Variants in DOCK3 observed in about 807,000 individuals in gnomAD.
DOCK3 encodes the protein dedicator of cytokinesis protein 3.
Under a neutral mutation model 265.6 loss-of-function variants are expected in DOCK3, and 60 were observed. The ratio of observed to expected loss-of-function variants is 0.23; its 90% CI spans 0.18 to 0.28. The LOEUF (loss-of-function observed/expected upper bound fraction) is 0.28. DOCK3 is among the 10% of genes least tolerant of loss of function. The probability of loss-of-function intolerance (pLI) is 1.00; values close to 1 mark genes in which losing one functional copy is unlikely to be tolerated. For synonymous variants in DOCK3, 881 were observed against 938.0 expected, an observed-to-expected ratio of 0.94 and a Z score of 1.11; for missense variants, 1,981 against 2,594.3, an observed-to-expected ratio of 0.76 and a Z score of 5.14.
chr3:50,859,589 G>A (rs1463652764), intron 3 of DOCK3, among the ~76,000 whole-genome samples: 1 of 152,058 alleles, frequency 6.6e-6, no homozygotes, highest in Non-Finnish European at 1.5e-5. Context: ...ATCTCTGCAT[G>A]TGGGTGTTCC....
At chr3:51,357,270 G>T in intron 44 of DOCK3, 129 bp downstream of exon 44, 1 of 1,046,716 alleles carries the variant, frequency 9.6e-7, no homozygotes, top group South Asian at 1.6e-5. Flanking sequence ...ACATGGTCCT[G>T]GAATGAGGCC....
At chr3:51,015,405 A>G (rs1281993898) in intron 5 of DOCK3, among the ~76,000 whole-genome samples, 2 of 151,762 alleles carry the variant, frequency 1.3e-5, no homozygotes, top group African/African-American at 4.8e-5. Flanking sequence ...TTTCTCTTTC[A>G]TTCTGTTGAT....
chr3:51,320,421 T>C (rs926125992), intron 32 of DOCK3, among the ~76,000 whole-genome samples: 3 of 151,892 alleles, frequency 2.0e-5, no homozygotes, highest in African/African-American at 7.3e-5. Context: ...GCAGGAGTTT[T>C]GTTTTTGTTT....
intron 14 of DOCK3, among the ~76,000 whole-genome samples, chr3:51,217,929 C>A (rs1208504444): frequency 6.6e-6 from 1 of 151,662 alleles, no homozygotes. Context: ...ACCAACCTGG[C>A]CAACATGGTG....
At chr3:50,906,456 A>T (rs1397055839) in intron 4 of DOCK3, among the ~76,000 whole-genome samples, 1 of 151,958 alleles carries the variant, frequency 6.6e-6, no homozygotes, top group Admixed American at 6.6e-5. Flanking sequence ...TTATTCGTCT[A>T]TTCAGGGATT....
intron 3 of DOCK3, among the ~76,000 whole-genome samples, chr3:50,852,070 G>C (rs1317759426): frequency 1.3e-5 from 2 of 152,184 alleles, no homozygotes; most frequent in African/African-American, 4.8e-5. Flanking sequence ...CCAGTGGAAA[G>C]GTAAGTTACA....
At chr3:51,207,390 A>G (rs2089278197) in intron 12 of DOCK3, among the ~76,000 whole-genome samples, 2 of 152,166 alleles carry the variant, frequency 1.3e-5, no homozygotes, top group South Asian at 4.1e-4. Context: ...GTAATTTTCA[A>G]GGCTTTTAAT....
chr3:51,244,905 G>T (rs1169437313), intron 21 of DOCK3, among the ~76,000 whole-genome samples: 2 of 152,094 alleles, frequency 1.3e-5, no homozygotes, highest in Admixed American at 6.5e-5. Context: ...AGATGTCTTG[G>T]TTTTTCCATG....
intron 3 of DOCK3, among the ~76,000 whole-genome samples, chr3:50,853,906 G>C (rs1479782366): frequency 1.3e-5 from 2 of 151,578 alleles, no homozygotes; most frequent in East Asian, 1.9e-4. Context: ...TTCCACAGGG[G>C]CTGAACTAAT....
intron 2 of DOCK3, among the ~76,000 whole-genome samples, chr3:50,791,286 C>T (rs1361629926): frequency 2.8e-5 from 3 of 106,840 alleles, no homozygotes; most frequent in African/African-American, 3.6e-5. Flanking sequence ...TTTTTTGAGA[C>T]GGAGTCTTGC....
intron 5 of DOCK3, among the ~76,000 whole-genome samples, chr3:51,028,356 T>C (rs1238454703): frequency 6.6e-6 from 1 of 150,634 alleles, no homozygotes; most frequent in Admixed American, 6.6e-5. Flanking sequence ...AGTTTTAAGA[T>C]TTTTTTTTTC....
At chr3:51,149,891 A>T (rs2085494530) in intron 10 of DOCK3, among the ~76,000 whole-genome samples, 1 of 152,066 alleles carries the variant, frequency 6.6e-6, no homozygotes, top group Non-Finnish European at 1.5e-5. Context: ...TTTTCTGTTA[A>T]TTGGAATAGT....
chr3:51,057,978 T>A (rs1374066629), intron 5 of DOCK3, among the ~76,000 whole-genome samples: 2 of 152,224 alleles, frequency 1.3e-5, no homozygotes, highest in Non-Finnish European at 2.9e-5. Flanking sequence ...TGGCTTAAAA[T>A]AACTATATTT....
At chr3:50,883,378 A>T (rs2048157367) in intron 3 of DOCK3, among the ~76,000 whole-genome samples, 1 of 152,194 alleles carries the variant, frequency 6.6e-6, no homozygotes, top group African/African-American at 2.4e-5. Flanking sequence ...CCTAATTAAG[A>T]AAATTCAAGA....
At chr3:51,094,370 A>G (rs1406896214) in intron 9 of DOCK3, among the ~76,000 whole-genome samples, 4 of 151,942 alleles carry the variant, frequency 2.6e-5, no homozygotes, top group Non-Finnish European at 5.9e-5. Context: ...CTGTTTAGGG[A>G]TTCGACTTCT....
intron 1 of DOCK3, among the ~76,000 whole-genome samples, chr3:50,758,177 CA>C (rs771690340): frequency 7.1e-4 from 17 of 23,824 alleles, no homozygotes; most frequent in Middle Eastern, 0.05. Context: ...GACTCTGTCT[CA>C]AAAAAAAAAA....
In DOCK3 at chr3:50,829,024, T is replaced by G. The variant is rs112884378; in HGVS notation, c.122-12651T>G. On this transcript the variant is annotated intron_variant, in intron 2 of 52. Coordinates refer to ENST00000266037, the MANE Select transcript of DOCK3 (RefSeq NM_004947.5). ...ACCGCGCCTGGACCCTTTTACCCTT[T>G]TCAATTATCTCTTTACCATGCTTTT... 3.5e-3 allele frequency among the ~76,000 whole-genome samples: 527 copies of G among 152,334 alleles called. 4 individuals carry two copies. The highest frequency in any genetic ancestry group is 0.012 in the African/African-American group (508 of 41,566).
chr3:50,797,395 G>A (rs1339288337), intron 2 of DOCK3, among the ~76,000 whole-genome samples: 1 of 152,230 alleles, frequency 6.6e-6, no homozygotes, highest in Non-Finnish European at 1.5e-5. Context: ...GGAAGGGATG[G>A]GTCTGCCTTG....
chr3:50,740,338 C>T (rs1476031964), intron 1 of DOCK3, among the ~76,000 whole-genome samples: 1 of 152,082 alleles, frequency 6.6e-6, no homozygotes, highest in Non-Finnish European at 1.5e-5. Flanking sequence ...ACCCATGAAT[C>T]AATCTTGGTA....
Sources: allele counts gnomAD v4.1 joint callset (sites outside exome capture counted in the v4.1 genomes callset), GRCh38; gene constraint gnomAD v4.1.1; transcripts MANE v1.5; gene names NCBI Gene and HGNC (gene_info 2026-07-23, HGNC 2026-07-21).